Variants in BAIAP2 observed in about 807,000 individuals in gnomAD.
BAIAP2 encodes BAR/IMD domain containing adaptor protein 2.
Under a neutral mutation model 63.0 loss-of-function variants are expected in BAIAP2, and 18 were observed. The observed-to-expected ratio is 0.29, with a 90% CI of 0.20 to 0.42. BAIAP2 has a LOEUF of 0.42. Ranked by LOEUF, BAIAP2 falls within the 10% of genes least tolerant of loss-of-function variation. The pLI is 1.00. For missense variants in BAIAP2, 610 were observed against 734.3 expected (o/e 0.83, Z 1.96); for synonymous variants, 386 against 307.6 (o/e 1.25, Z -2.67).
chr17:81,064,572 G>T (rs1598599398), intron 3 of BAIAP2, among the ~76,000 whole-genome samples: 1 of 151,832 alleles, frequency 6.6e-6, no homozygotes, highest in East Asian at 1.9e-4. Flanking sequence ...CTGAACCAGA[G>T]CCTGGCCCAG....
chr17:81,057,534 C>G (rs72634319), intron 2 of BAIAP2: 32,814 of 701,532 alleles, frequency 0.047, 820 homozygotes, highest in Middle Eastern at 0.068. Flanking sequence ...AGGGTTGGTT[C>G]TTTGTCTCAT....
intron 1 of BAIAP2, among the ~76,000 whole-genome samples, chr17:81,044,154 G>A (rs1015084033): frequency 5.9e-5 from 9 of 152,222 alleles, no homozygotes; most frequent in African/African-American, 2.2e-4. Context: ...AGGTGGGGCC[G>A]TACAGGCATT....
chr17:81,094,310 C>T (rs1598748489), intron 6 of BAIAP2, among the ~76,000 whole-genome samples: 1 of 152,320 alleles, frequency 6.6e-6, no homozygotes, highest in East Asian at 1.9e-4. Flanking sequence ...TGGGCATGTG[C>T]TCACCAGACT....
At chr17:81,085,499 G>A (rs753785402) in intron 4 of BAIAP2, 155 bp from the exon 5 acceptor site, 3 of 711,300 alleles carry the variant, frequency 4.2e-6, no homozygotes, top group South Asian at 3.0e-5. Flanking sequence ...ACACGGGCAT[G>A]CGGGGCCACA....
At position 81,055,046 on chromosome 17, in the gene BAIAP2, G is replaced by A. The variant is rs75384904; in HGVS notation, c.130+1303G>A. On this transcript the variant is annotated intron_variant, in intron 2 of 13. Transcript: ENST00000428708. ...GCAGGGAGGAGATCGTGTGTTTTCC[G>A]GGACACGTGCTGCGTCTCTGCCGGC... Among the ~76,000 whole-genome samples the A allele has an allele frequency of 6.7e-3, 1,027 of 152,262 alleles. 12 individuals are homozygous for A. Among genetic ancestry groups the A allele is most frequent in the African/African-American group, 0.022 (919 of 41,530 alleles).
chr17:81,069,236 T>C (rs2052096926), intron 3 of BAIAP2, among the ~76,000 whole-genome samples: 1 of 152,170 alleles, frequency 6.6e-6, no homozygotes, highest in Admixed American at 6.5e-5. Context: ...TTACCAGCAG[T>C]CACATGCAGG....
chr17:81,060,644 C>T (rs908808199), intron 3 of BAIAP2, among the ~76,000 whole-genome samples: 4 of 152,124 alleles, frequency 2.6e-5, no homozygotes, highest in Non-Finnish European at 5.9e-5. Context: ...GGGCATGCAC[C>T]GAAACTGGAA....
intron 7 of BAIAP2, among the ~76,000 whole-genome samples, chr17:81,101,204 T>C (rs1010466622): frequency 2.0e-5 from 3 of 152,104 alleles, no homozygotes; most frequent in Non-Finnish European, 4.4e-5. Context: ...AATCCCGCCC[T>C]GGGATCCGCC....
intron 3 of BAIAP2, among the ~76,000 whole-genome samples, chr17:81,062,404 C>T (rs1182669168): frequency 2.7e-5 from 4 of 149,864 alleles, no homozygotes; most frequent in African/African-American, 9.8e-5. Flanking sequence ...CTTTGCTTTT[C>T]TGGAGTTAAT....
chr17:81,066,797 G>A (rs1168419808), intron 3 of BAIAP2, among the ~76,000 whole-genome samples: 1 of 152,204 alleles, frequency 6.6e-6, no homozygotes, highest in African/African-American at 2.4e-5. Context: ...GGCTCAGGCG[G>A]CTCCATGCAC....
At chr17:81,063,613 G>A (rs1300866209) in intron 3 of BAIAP2, 1 of 152,408 alleles carries the variant, frequency 6.6e-6, no homozygotes, top group Non-Finnish European at 1.5e-5. Flanking sequence ...AGTTGCCCTG[G>A]GAGTTTTGCT....
At chr17:81,055,468 G>A (rs1325651029) in intron 2 of BAIAP2, among the ~76,000 whole-genome samples, 1 of 152,042 alleles carries the variant, frequency 6.6e-6, no homozygotes, top group Non-Finnish European at 1.5e-5. Flanking sequence ...TCTCCACCCT[G>A]CCCCTCCTCT....
chr17:81,078,665 C>G (rs1472715197), intron 3 of BAIAP2, among the ~76,000 whole-genome samples: 1 of 151,400 alleles, frequency 6.6e-6, no homozygotes, highest in African/African-American at 2.4e-5. Context: ...GCTGTGGGTG[C>G]GGGTGCTGTC....
chr17:81,039,015 T>C (rs1156524719), intron 1 of BAIAP2, among the ~76,000 whole-genome samples: 1 of 152,254 alleles, frequency 6.6e-6, no homozygotes, highest in African/African-American at 2.4e-5. Context: ...CATGCAGTGC[T>C]TTGTGTTTAA....
chr17:81,040,853 C>T (rs997878262), intron 1 of BAIAP2, among the ~76,000 whole-genome samples: 13 of 152,198 alleles, frequency 8.5e-5, no homozygotes, highest in African/African-American at 3.1e-4. Flanking sequence ...CCTACTGTGG[C>T]CCAGGGGCTC....
At position 81,086,302 on chromosome 17, in the gene BAIAP2, A is replaced by G. The variant is rs1027910875; in HGVS notation, c.352-141A>G. ...TTTGCAGCTGAGCATGCACGGCCAG[A>G]GAGCGAGCCAGGAAGGGAGTGGCAG... On this transcript the variant is annotated intron_variant, in intron 5 of 13. Transcript: ENST00000428708. 11 of 1,051,870 alleles carry G rather than the reference A, an allele frequency of 1.0e-5. No homozygotes were observed. The Middle Eastern group carries it at 1.5e-3, about 144-fold the overall frequency. The allele number at this position is 1,051,870 out of a possible 1,614,324, so 65.2% of individuals were successfully genotyped here.
At chr17:81,111,376 GAC>G (rs2059911144) in intron 13 of BAIAP2, among the ~76,000 whole-genome samples, 1 of 152,252 alleles carries the variant, frequency 6.6e-6, no homozygotes. Flanking sequence ...CTTTGGGGCT[GAC>G]AGCCTTGTGG....
At chr17:81,064,569 A>G (rs2051134911) in intron 3 of BAIAP2, among the ~76,000 whole-genome samples, 1 of 152,010 alleles carries the variant, frequency 6.6e-6, no homozygotes, top group African/African-American at 2.4e-5. Flanking sequence ...CTTCTGAACC[A>G]GAGCCTGGCC....
Position 81,103,931 on chromosome 17 carries a change from C to A in BAIAP2, c.889C>A (p.Pro297Thr), listed in dbSNP as rs776209043. ...GCGGATGTCTGCCCAGGAGAGCACA[C>A]CCATCATGAACGGCGTCACAGGCCC... ...VGRMSAQEST[P>T]IMNGVTGPDG... The change falls in exon 9 of 14, where the codon CCC (proline) becomes ACC (threonine). Residue 297 changes from proline to threonine, a missense_variant. By Grantham distance (38) the Pro-to-Thr change is conservative. Coordinates refer to ENST00000428708, the MANE Select transcript of BAIAP2 (RefSeq NM_001144888.2). 25 of 1,613,032 alleles carry A rather than the reference C, an allele frequency of 1.5e-5. No individual in the cohort carries two copies. In the South Asian group the frequency reaches 2.6e-4, roughly 17 times the overall value.
Sources: allele counts gnomAD v4.1 joint callset (sites outside exome capture counted in the v4.1 genomes callset), GRCh38; gene constraint gnomAD v4.1.1; transcripts MANE v1.5; gene names NCBI Gene and HGNC (gene_info 2026-07-23, HGNC 2026-07-21).